The following PKHD1L1 variants were observed in gnomAD, a reference collection of about 807,000 sequenced individuals.
PKHD1L1 encodes PKHD1 like 1, also known as fibrocystin-L.
Under a neutral mutation model 462.9 loss-of-function variants are expected in PKHD1L1, and 434 were observed. The ratio of observed to expected loss-of-function variants is 0.94; its 90% CI spans 0.87 to 1.02. The LOEUF is 1.02. Among genes scored for constraint, PKHD1L1 ranks in the 50% least tolerant of loss-of-function variants. PKHD1L1 has a pLI of 0.00. For missense variants in PKHD1L1, 5,202 were observed against 5,096.1 expected, an observed-to-expected ratio of 1.02 and a Z score of -0.63; for synonymous variants, 1,781 against 1,750.0, an observed-to-expected ratio of 1.02 and a Z score of -0.44.
At chr8:109,422,500 C>T (rs753093498) in intron 23 of PKHD1L1, among the ~76,000 whole-genome samples, 6 of 152,018 alleles carry the variant, frequency 3.9e-5, no homozygotes, top group Non-Finnish European at 5.9e-5. Context: ...TGTATACTGG[C>T]ATTTTTTTAA....
At chr8:109,451,999 C>T (rs1816546321) in intron 41 of PKHD1L1, 125 bp from the exon 42 acceptor site, 1 of 766,058 alleles carries the variant, frequency 1.3e-6, no homozygotes, top group African/African-American at 1.8e-5. Context: ...TCAATCTACA[C>T]TTTGGTGGCT....
At chr8:109,388,468 G>T in intron 6 of PKHD1L1, 29 bp from the exon 7 acceptor site, 1 of 1,338,214 alleles carries the variant, frequency 7.5e-7, no homozygotes, top group Non-Finnish European at 1.0e-6. Flanking sequence ...AACATAACTT[G>T]ATTTTTTCTA....
Position 109,481,869 on chromosome 8 carries a change from T to C in PKHD1L1, c.9457+307T>C, listed in dbSNP as rs181206014. ...AACAAATCTCTTTGTATGTATATTA[T>C]TTTTCCAATCTGGTTTTCTTCATAC... On this transcript the variant is annotated intron_variant, in intron 56 of 77. Transcript: ENST00000378402. Among the ~76,000 whole-genome samples, 813 of 151,938 alleles carry C rather than the reference T, an allele frequency of 5.4e-3. 5 individuals carry two copies. Among genetic ancestry groups the C allele is most frequent in the Non-Finnish European group, 9.3e-3 (629 of 67,768 alleles).
chr8:109,499,151 T>C (rs57439661), intron 67 of PKHD1L1: 7,093 of 176,540 alleles, frequency 0.04, 422 homozygotes, highest in African/African-American at 0.14. Flanking sequence ...TTCCCACAGC[T>C]ATTGGCACAG....
In PKHD1L1 at chr8:109,458,297, A is replaced by G. The variant is rs545568913; in HGVS notation, c.7005-1298A>G. ...ATGTCTCTCAGCTTTCTCTGCTCTCAGTTTGATTTAGATTCTCAGCCTCTC... is the reference window on the plus strand; with the variant it reads ...ATGTCTCTCAGCTTTCTCTGCTCTCGGTTTGATTTAGATTCTCAGCCTCTC... On this transcript the variant is annotated intron_variant, in intron 46 of 77. Coordinates refer to ENST00000378402, the MANE Select transcript of PKHD1L1 (RefSeq NM_177531.6). 2.0e-5 allele frequency among the ~76,000 whole-genome samples: 3 copies of G among 152,058 alleles called. No homozygotes were observed. The East Asian group carries it at 5.8e-4, about 29-fold the overall frequency.
At chr8:109,484,932 C>G in intron 57 of PKHD1L1, 112 bp from the exon 58 acceptor site, 1 of 825,974 alleles carries the variant, frequency 1.2e-6, no homozygotes, top group African/African-American at 1.7e-5. Context: ...TCTGATAATA[C>G]CATAATTGCC....
Position 109,435,356 on chromosome 8 carries a change from TA to T in PKHD1L1, c.3505+4del. ...GGCCTGATTCTGGAAGCATAGCAGGTAATGGTTAATAGTTTAAACAGAGAGA... is the reference window on the plus strand; with the variant it reads ...GGCCTGATTCTGGAAGCATAGCAGGTATGGTTAATAGTTTAAACAGAGAGA... On this transcript the variant is annotated splice_donor_region_variant and intron_variant, in intron 29 of 77. Coordinates refer to ENST00000378402, the MANE Select transcript of PKHD1L1 (RefSeq NM_177531.6). 1.2e-6 allele frequency: 2 copies of T among 1,611,180 alleles called. No homozygotes were observed. The highest frequency in any genetic ancestry group is 1.7e-6 in the Non-Finnish European group (2 of 1,178,112).
chr8:109,513,169 G>A (rs994129099), intron 71 of PKHD1L1, among the ~76,000 whole-genome samples: 13 of 151,140 alleles, frequency 8.6e-5, no homozygotes, highest in African/African-American at 2.9e-4. Flanking sequence ...TCCTCTTTTC[G>A]TAATTGAATA....
Position 109,466,584 on chromosome 8 carries a change from A to C in PKHD1L1, c.8420A>C (p.Lys2807Thr). ...IDVDGSLTGHKGHTVIPHSSL... is the reference protein window; with the variant it reads ...IDVDGSLTGHTGHTVIPHSSL... Reference sequence around the variant, plus strand: ...TTGTTTGTTTGTTTCCCAGGGCACAAAGGACATACCGTCATTCCACACAGC... The same window carrying C: ...TTGTTTGTTTGTTTCCCAGGGCACACAGGACATACCGTCATTCCACACAGC... Residue 2807 changes from lysine to threonine, a missense_variant, in exon 50 of 78, where the codon AAA (lysine) becomes ACA (threonine). Lys to Thr is a moderately conservative substitution (Grantham distance 78). Around this residue, in one of 3 missense-constraint regions of PKHD1L1, gnomAD observed 4,497 missense variants for 4,336.8 expected, o/e 1.04. Coordinates refer to ENST00000378402, the MANE Select transcript of PKHD1L1 (RefSeq NM_177531.6). 6.3e-7 allele frequency: 1 copy of C among 1,581,780 alleles called. No individual in the cohort carries two copies. The highest frequency in any genetic ancestry group is 8.6e-7 in the Non-Finnish European group (1 of 1,164,046).
At position 109,481,596 on chromosome 8, in the gene PKHD1L1, T is replaced by C. The variant is rs758040309; in HGVS notation, c.9457+34T>C. The C allele has an allele frequency of 3.3e-6, 5 of 1,511,948 alleles. No homozygotes were observed. The African/African-American group carries it at 4.2e-5, about 13-fold the overall frequency. 93.7% of individuals were successfully genotyped at this position (1,511,948 alleles called of 1,614,324 possible). A position where few individuals can be genotyped will look rare whatever the true frequency, so the allele number is the denominator to read the frequency against. The stretch of plus-strand genomic sequence containing the variant: ...CTACAGATACCAAAAGTGTCACATC[T>C]GTTTTAAGAATCTACTTTAAAATAT... On this transcript the variant is annotated intron_variant, in intron 56 of 77. Transcript: ENST00000378402.
At chr8:109,491,421 T>C (rs1818820527) in intron 61 of PKHD1L1, among the ~76,000 whole-genome samples, 1 of 151,880 alleles carries the variant, frequency 6.6e-6, no homozygotes, top group South Asian at 2.1e-4. Context: ...GAAGAATTTT[T>C]ACCACATCAC....
intron 38 of PKHD1L1, among the ~76,000 whole-genome samples, chr8:109,447,390 A>C (rs1229976922): frequency 1.3e-5 from 2 of 152,186 alleles, no homozygotes; most frequent in African/African-American, 4.8e-5. Flanking sequence ...TCAAATTACT[A>C]CTTGAGGGCA....
chr8:109,380,883 C>A (rs1484046295), intron 2 of PKHD1L1, among the ~76,000 whole-genome samples: 1 of 152,112 alleles, frequency 6.6e-6, no homozygotes, highest in Admixed American at 6.6e-5. Flanking sequence ...CTCCTCTATT[C>A]TTTTTAGTCC....
At chr8:109,467,617 T>G (rs912216323) in intron 50 of PKHD1L1, among the ~76,000 whole-genome samples, 2 of 152,106 alleles carry the variant, frequency 1.3e-5, no homozygotes, top group African/African-American at 4.8e-5. Context: ...CTGGCTCAGA[T>G]CTGTATCTCT....
At chr8:109,429,800 G>A in intron 26 of PKHD1L1, 132 bp from the exon 27 acceptor site, 1 of 696,394 alleles carries the variant, frequency 1.4e-6, no homozygotes, top group Non-Finnish European at 2.4e-6. Flanking sequence ...AAATATCAAA[G>A]TACAAAAAAT....
chr8:109,389,432 G>C (rs994145234), intron 8 of PKHD1L1, among the ~76,000 whole-genome samples: 2 of 151,404 alleles, frequency 1.3e-5, no homozygotes, highest in African/African-American at 4.9e-5. Context: ...TATTTTGCCT[G>C]TTGCCTTAAT....
chr8:109,490,798 C>T (rs1818785214), intron 60 of PKHD1L1, among the ~76,000 whole-genome samples, 174 bp from the exon 61 acceptor site: 1 of 151,196 alleles, frequency 6.6e-6, no homozygotes, highest in Non-Finnish European at 1.5e-5. Context: ...TGGAAATTTC[C>T]ATATTTTATA....
At position 109,507,839 on chromosome 8, in the gene PKHD1L1, T is replaced by C. The variant is rs1170105296; in HGVS notation, c.11171T>C (p.Met3724Thr). 6.2e-7 allele frequency: 1 copy of C among 1,613,602 alleles called. No individual in the cohort carries two copies. The highest frequency in any genetic ancestry group is 8.5e-7 in the Non-Finnish European group (1 of 1,179,676). The change falls in exon 69 of 78, where the codon ATG becomes ACG. Residue 3724 changes from methionine to threonine, a missense_variant. By Grantham distance (81) the Met-to-Thr change is moderately conservative. This residue lies in a region of PKHD1L1 where 698 missense variants were observed against 736.3 expected (regional missense o/e 0.95). Coordinates refer to ENST00000378402, the MANE Select transcript of PKHD1L1 (RefSeq NM_177531.6). ...GIGDYRIPKA[M>T]LTFLNGSRIP... ...GGAGACTACAGAATTCCTAAGGCGA[T>C]GCTCACATTCTTGAATGGAAGTAGA...
chr8:109,507,600 T>C, intron 68 of PKHD1L1, 63 bp from the exon 69 acceptor site: 1 of 1,371,914 alleles, frequency 7.3e-7, no homozygotes, highest in Non-Finnish European at 1.0e-6. Context: ...TAAGTAAATA[T>C]TCAAGTGTAT....
Sources: gnomAD v4.1 joint callset for allele counts (sites outside exome capture counted in the v4.1 genomes callset) on GRCh38, gnomAD v4.1.1 for gene constraint, gnomAD v4.1.1 regional missense constraint, MANE v1.5 for transcripts, NCBI Gene and HGNC (gene_info 2026-07-23, HGNC 2026-07-21) for gene names.